Variants in EVC observed in about 807,000 individuals in gnomAD.
EVC encodes the protein EvC ciliary complex subunit 1.
Under a neutral mutation model 118.9 loss-of-function variants are expected in EVC, and 116 were observed. The observed-to-expected ratio is 0.98, with a 90% CI of 0.84 to 1.14. EVC has a LOEUF of 1.14. Among genes scored for constraint, EVC ranks in the 50% most tolerant of loss-of-function variants. The pLI is 0.00. For missense variants in EVC, 1,401 were observed against 1,246.4 expected (o/e 1.12, Z -1.87); for synonymous variants, 619 against 534.7 (o/e 1.16, Z -2.18).
intron 16 of EVC, 46 bp from the exon 17 acceptor site, chr4:5,804,684 G>T: frequency 6.4e-7 from 1 of 1,571,728 alleles, no homozygotes. Context: ...TGGCACAGTG[G>T]ATCCTCCAAA....
Position 5,802,024 on chromosome 4 carries a change from T to G in EVC, c.2379T>G (p.Tyr793Ter). The change falls in exon 16 of 21, where the codon TAT becomes TAG. Residue 793 changes from tyrosine to a stop codon, truncating the protein, a stop_gained. Transcript: ENST00000264956. LOFTEE classifies it high-confidence loss of function. ...SAGVSRLVQA[Y>*]YQQIGRIMED... ...GTGTCAGCCGCCTGGTGCAGGCGTA[T>G]TACCAGCAAATCGGAAGGATCATGG... 3.7e-6 allele frequency: 6 copies of G among 1,614,180 alleles called. No individual in the cohort carries two copies. The highest frequency in any genetic ancestry group is 5.1e-6 in the Non-Finnish European group (6 of 1,180,036).
At chr4:5,822,164 G>A in the EVC span, among the ~76,000 whole-genome samples, 1 of 152,232 alleles carries the variant, frequency 6.6e-6, no homozygotes, top group Non-Finnish European at 1.5e-5. Context: ...GTGTGCAGGC[G>A]CACATTTGGT....
chr4:5,788,643 G>A (rs763812411), intron 12 of EVC, among the ~76,000 whole-genome samples: 9 of 152,104 alleles, frequency 5.9e-5, no homozygotes, highest in Non-Finnish European at 8.8e-5. Context: ...CTACATCGGT[G>A]GACAAGAAAT....
chr4:5,740,872 T>A (rs970126672), intron 5 of EVC, among the ~76,000 whole-genome samples: 1 of 152,150 alleles, frequency 6.6e-6, no homozygotes, highest in East Asian at 1.9e-4. Flanking sequence ...AAAATCCAAG[T>A]TGAACTCACA....
At position 5,746,856 on chromosome 4, in the gene EVC, A is replaced by C. The variant is rs1001851118; in HGVS notation, c.940-1292A>C. Reference sequence around the variant, plus strand: ...CGGATGAGAAGAATTGGGACAAGAAAGCAGAGGAGGAATTGGATGGGCTTT... The same window carrying C: ...CGGATGAGAAGAATTGGGACAAGAACGCAGAGGAGGAATTGGATGGGCTTT... On this transcript the variant is annotated intron_variant, in intron 7 of 20. Coordinates refer to ENST00000264956, the MANE Select transcript of EVC (RefSeq NM_153717.3). The surrounding 1 kb of genome is among the most constrained non-coding windows in gnomAD (Gnocchi z 5.8). Among the ~76,000 whole-genome samples, 1 of 152,182 alleles carries C rather than the reference A, an allele frequency of 6.6e-6. No homozygotes were observed. The highest frequency in any genetic ancestry group is 2.4e-5 in the African/African-American group (1 of 41,458).
At chr4:5,722,292 T>A (rs1190872500) in intron 2 of EVC, among the ~76,000 whole-genome samples, 1 of 152,202 alleles carries the variant, frequency 6.6e-6, no homozygotes, top group African/African-American at 2.4e-5. Context: ...GTAAGGTTAT[T>A]TTTTTCTGCC....
rs924461010 is a variant in EVC, at chr4:5,749,527, G to A, written c.1098+1221G>A. On this transcript the variant is annotated intron_variant, in intron 8 of 20. Transcript: ENST00000264956. The surrounding 1 kb of genome is among the most constrained non-coding windows in gnomAD (Gnocchi z 4.4). Reference sequence around the variant, plus strand: ...TGAACACATTACTTAACCTCTCTGCGCGTCTGTTCCTCTATTTATAAAATA... The same window carrying A: ...TGAACACATTACTTAACCTCTCTGCACGTCTGTTCCTCTATTTATAAAATA... Among the ~76,000 whole-genome samples the A allele has an allele frequency of 1.3e-5, 2 of 151,988 alleles. No individual in the cohort carries two copies. The highest frequency in any genetic ancestry group is 6.6e-5 in the Admixed American group (1 of 15,244).
chr4:5,825,968 TAACAA>T, the EVC span: 7,038 of 423,136 alleles, frequency 0.017, 110 homozygotes, highest in South Asian at 0.037. The surrounding 1 kb of genome is among the most constrained non-coding windows in gnomAD (Gnocchi z 4.4). Flanking sequence ...GCACATGCAG[TAACAA>T]AACAGGCCTA....
the EVC span, among the ~76,000 whole-genome samples, chr4:5,819,619 C>T: frequency 6.6e-6 from 1 of 152,232 alleles, no homozygotes; most frequent in Admixed American, 6.5e-5. Context: ...GGTGCTAGGG[C>T]TGCTTCTGCT....
intron 11 of EVC, among the ~76,000 whole-genome samples, chr4:5,773,358 G>A (rs1029671851): frequency 1.3e-5 from 2 of 152,038 alleles, no homozygotes; most frequent in Non-Finnish European, 2.9e-5. Context: ...ACTTGACTCA[G>A]CCTTGCTCCA....
intron 11 of EVC, among the ~76,000 whole-genome samples, chr4:5,776,459 G>A (rs534068419): frequency 3.3e-5 from 5 of 152,124 alleles, no homozygotes; most frequent in Non-Finnish European, 7.3e-5. Flanking sequence ...GAACCCAACT[G>A]TCAGAGCTGT....
chr4:5,785,375 T>C (rs1379500794), intron 12 of EVC, among the ~76,000 whole-genome samples: 1 of 151,470 alleles, frequency 6.6e-6, no homozygotes, highest in African/African-American at 2.4e-5. Flanking sequence ...ACAAGCCCTG[T>C]TTCTTTAAGT....
Position 5,809,543 on chromosome 4 carries a change from A to G in EVC, c.2714A>G (p.Glu905Gly). Residue 905 changes from glutamate to glycine, a missense_variant, in exon 19 of 21, where the codon GAG (glutamate) becomes GGG (glycine). Coordinates refer to ENST00000264956, the MANE Select transcript of EVC (RefSeq NM_153717.3). ...LQEAEQNFIS[E>G]LAALARVPLA... ...GAAGCTGAACAGAACTTCATCTCCG[A>G]GCTGGCAGCCTTGGCCCGAGTGCCC... The G allele has an allele frequency of 1.2e-6, 2 of 1,614,202 alleles. No individual in the cohort carries two copies. The highest frequency in any genetic ancestry group is 8.5e-7 in the Non-Finnish European group (1 of 1,180,046).
chr4:5,781,209 G>A (rs907117243), intron 11 of EVC, among the ~76,000 whole-genome samples: 33 of 152,288 alleles, frequency 2.2e-4, no homozygotes, highest in Middle Eastern at 3.4e-3. Flanking sequence ...CTGGGCAGAG[G>A]GGAATGTGGG....
chr4:5,828,697 C>T, the EVC span: 3 of 1,606,994 alleles, frequency 1.9e-6, no homozygotes, highest in Non-Finnish European at 2.6e-6. Context: ...TGTTACTTCC[C>T]AGGATTTGCT....
chr4:5,759,470 GCCGGAGGTGAGCCCAGGTGGCCCAGA>G (rs1463133081), intron 11 of EVC, among the ~76,000 whole-genome samples: 5 of 152,154 alleles, frequency 3.3e-5, no homozygotes, highest in Non-Finnish European at 7.3e-5. Context: ...TATTTCCCCT[GCCGGAGGTGAGCCCAGGTGGCCCAGA>G]GGCTATGGGC....
chr4:5,780,910 A>G (rs1423142828), intron 11 of EVC, among the ~76,000 whole-genome samples: 1 of 152,230 alleles, frequency 6.6e-6, no homozygotes, highest in Admixed American at 6.5e-5. Flanking sequence ...AAGTTTCCAG[A>G]ATCCTCTCCC....
downstream of EVC, among the ~76,000 whole-genome samples, chr4:5,816,640 CT>C (rs1261257083): frequency 7.2e-6 from 1 of 139,520 alleles, no homozygotes. Context: ...CCTCCTTCCC[CT>C]CTCTCCCTTC....
At chr4:5,820,279 C>G in the EVC span, among the ~76,000 whole-genome samples, 6 of 152,162 alleles carry the variant, frequency 3.9e-5, no homozygotes, top group Non-Finnish European at 8.8e-5. Context: ...ATCATCACCA[C>G]TATCGTCACC....
Sources: allele counts gnomAD v4.1 joint callset (sites outside exome capture counted in the v4.1 genomes callset), GRCh38; gene constraint gnomAD v4.1.1; non-coding constraint Gnocchi (gnomAD v3.1); transcripts MANE v1.5; gene names NCBI Gene and HGNC (gene_info 2026-07-23, HGNC 2026-07-21).